The following CFAP46 variants were observed in gnomAD, a reference collection of about 807,000 sequenced individuals.
CFAP46 encodes the protein cilia and flagella associated protein 46.
Under a neutral mutation model 325.7 loss-of-function variants are expected in CFAP46, and 245 were observed. The ratio of observed to expected loss-of-function variants is 0.75; its 90% CI spans 0.68 to 0.84. The LOEUF (loss-of-function observed/expected upper bound fraction) is 0.84. CFAP46 is among the 40% of genes least tolerant of loss of function. CFAP46 has a pLI of 0.00. For synonymous variants in CFAP46, 1,523 were observed against 1,495.9 expected (o/e 1.02, Z -0.42); for missense variants, 3,346 against 3,543.0 (o/e 0.94, Z 1.41).
chr10:132,890,891 CTCAAGGTAGGT>C (rs1849244924), intron 25 of CFAP46, among the ~76,000 whole-genome samples: 1 of 152,196 alleles, frequency 6.6e-6, no homozygotes, highest in Non-Finnish European at 1.5e-5. Context: ...GACTCTAATG[CTCAAGGTAGGT>C]TCCACTTTTC....
intron 9 of CFAP46, among the ~76,000 whole-genome samples, chr10:132,928,162 C>T (rs929907403): frequency 3.9e-5 from 6 of 152,196 alleles, no homozygotes; most frequent in African/African-American, 1.4e-4. Context: ...CTCAGTTCCA[C>T]AGCAGCCCTT....
chr10:132,840,477 A>C (rs1448121611), intron 44 of CFAP46, among the ~76,000 whole-genome samples: 1 of 152,002 alleles, frequency 6.6e-6, no homozygotes, highest in Non-Finnish European at 1.5e-5. Flanking sequence ...CATTTTTCTT[A>C]GCTGTAATTT....
chr10:132,864,670 G>A (rs35322105), intron 35 of CFAP46, among the ~76,000 whole-genome samples: 11,467 of 50,658 alleles, frequency 0.23, 4 homozygotes, highest in African/African-American at 0.35. Flanking sequence ...CCTGTCCCCA[G>A]TGCCCGAGAC....
chr10:132,824,443 CTGA>C (rs1419336128), intron 50 of CFAP46, among the ~76,000 whole-genome samples: 2 of 102,978 alleles, frequency 1.9e-5, no homozygotes, highest in African/African-American at 3.9e-5. Flanking sequence ...GTGCTGTGTG[CTGA>C]TGTGTGCTGT....
In CFAP46 at chr10:132,942,038, T is replaced by A; in HGVS notation, c.116A>T (p.Asp39Val). The A allele has an allele frequency of 6.4e-7, 1 of 1,551,632 alleles. No individual in the cohort carries two copies. The highest frequency in any genetic ancestry group is 8.7e-7 in the Non-Finnish European group (1 of 1,146,924). ...KSANLGKSEF[D>V]PSESFSPDLF... ...GTCTGGGCTGAAGCTCTCTGAGGGG[T>A]CAAACTCCGATTTCCCTAGGTTGGC... The change falls in exon 2 of 58, where the codon GAC (aspartate) becomes GTC (valine). Residue 39 changes from aspartate to valine, a missense_variant. Asp to Val is a radical substitution (Grantham distance 152). Coordinates refer to ENST00000368586, the MANE Select transcript of CFAP46 (RefSeq NM_001200049.3).
At chr10:132,814,966 C>CCCCGGCCACA (rs763415018) in intron 50 of CFAP46, 52 bp from the exon 51 acceptor site, 1 of 1,520,352 alleles carries the variant, frequency 6.6e-7, no homozygotes, top group Non-Finnish European at 9.1e-7. Context: ...TCGAGGCAGC[C>CCCCGGCCACA]CTCCGGCCAC....
intron 11 of CFAP46, 89 bp from the exon 12 acceptor site, chr10:132,922,797 GC>G: frequency 1.9e-6 from 2 of 1,056,720 alleles, no homozygotes; most frequent in Non-Finnish European, 2.8e-6. Flanking sequence ...GCCTGCAGTG[GC>G]CCCAGAGTGT....
chr10:132,816,651 C>T (rs543959460), intron 50 of CFAP46, among the ~76,000 whole-genome samples: 2 of 152,208 alleles, frequency 1.3e-5, no homozygotes, highest in Non-Finnish European at 2.9e-5. Context: ...CTTCTTAAAT[C>T]AGATGCTGAG....
At chr10:132,908,390 C>G in intron 22 of CFAP46, 78 bp downstream of exon 22, 1 of 1,509,444 alleles carries the variant, frequency 6.6e-7, no homozygotes. Context: ...TCACCTGCTC[C>G]CTGATCTGTG....
intron 23 of CFAP46, 39 bp downstream of exon 23, chr10:132,899,496 G>A (rs1319660583): frequency 1.8e-5 from 28 of 1,518,326 alleles, no homozygotes; most frequent in Non-Finnish European, 2.5e-5. Flanking sequence ...CACGGCCGGG[G>A]AGGGACAGAG....
intron 31 of CFAP46, among the ~76,000 whole-genome samples, chr10:132,873,917 C>A (rs2135324165): frequency 6.6e-6 from 1 of 152,272 alleles, no homozygotes; most frequent in African/African-American, 2.4e-5. Context: ...CAGAAAAACA[C>A]AACCTATGAA....
intron 39 of CFAP46, among the ~76,000 whole-genome samples, chr10:132,854,173 T>A (rs1232699573): frequency 6.6e-6 from 1 of 152,234 alleles, no homozygotes; most frequent in Non-Finnish European, 1.5e-5. Flanking sequence ...GGTATTGAAT[T>A]GGCAACATCT....
chr10:132,822,720 G>GT (rs2134874446), intron 50 of CFAP46, among the ~76,000 whole-genome samples: 1 of 135,550 alleles, frequency 7.4e-6, no homozygotes, highest in African/African-American at 2.7e-5. Flanking sequence ...GATGTGTGCT[G>GT]ATGTGTGCTG....
rs140348551 is a variant in CFAP46, at chr10:132,816,481, G to A, written c.7118-1567C>T. On this transcript the variant is annotated intron_variant, in intron 50 of 57. Transcript: ENST00000368586. ...CGAGTAGCTGGGATTACAAGTACCCGCCACCACGCCCGGCTAATTTTGTGT... is the reference window on the plus strand; with the variant it reads ...CGAGTAGCTGGGATTACAAGTACCCACCACCACGCCCGGCTAATTTTGTGT... 2.8e-3 allele frequency among the ~76,000 whole-genome samples: 419 copies of A among 151,892 alleles called. 2 individuals carry two copies. The highest frequency in any genetic ancestry group is 8.9e-3 in the African/African-American group (368 of 41,452).
Position 132,836,821 on chromosome 10 carries a change from C to T in CFAP46, c.6532G>A (p.Asp2178Asn), listed in dbSNP as rs7896313. Residue 2178 changes from aspartate to asparagine, a missense_variant, in exon 45 of 58, where the codon GAC becomes AAC. Coordinates refer to ENST00000368586, the MANE Select transcript of CFAP46 (RefSeq NM_001200049.3). ...AACAAGAAGGAGCGGCTTTACCTGT[C>T]CCCTGAGAGGTGCAGAAAGAGGATC... ...FWILFLHLSGDRSRLYGAAYE... is the reference protein window; with the variant it reads ...FWILFLHLSGNRSRLYGAAYE... 1.0e-3 allele frequency: 1,640 copies of T among 1,613,252 alleles called. 18 individuals are homozygous for T. In the African/African-American group the frequency reaches 0.019, roughly 19 times the overall value.
chr10:132,908,283 C>A (rs535574253), intron 22 of CFAP46, 185 bp downstream of exon 22: 2 of 670,856 alleles, frequency 3.0e-6, no homozygotes, highest in African/African-American at 3.7e-5. Context: ...GCTCCCTGCC[C>A]GTTTTGGGGA....
chr10:132,885,762 G>GTGTGGGGAGCACTCACAGGCGGT lies in CFAP46; in HGVS notation c.3443+58_3443+59insACCGCCTGTGAGTGCTCCCCACA. 2.0e-6 allele frequency: 3 copies of GTGTGGGGAGCACTCACAGGCGGT among 1,490,850 alleles called. No homozygotes were observed. In the Admixed American group the frequency reaches 6.1e-5, roughly 30 times the overall value. 92.4% of individuals were successfully genotyped at this position (1,490,850 alleles called of 1,614,324 possible). A position where few individuals can be genotyped will look rare whatever the true frequency, so the allele number is the denominator to read the frequency against. ...GCGGTGTGGGGAGCACTCACAGGCG[G>GTGTGGGGAGCACTCACAGGCGGT]TGGGGGGAGCACTCAGGCGGTGGAG... On this transcript the variant is annotated intron_variant, in intron 26 of 57. Transcript: ENST00000368586.
intron 22 of CFAP46, among the ~76,000 whole-genome samples, chr10:132,902,859 T>G (rs1849409327): frequency 6.6e-6 from 1 of 152,154 alleles, no homozygotes; most frequent in Non-Finnish European, 1.5e-5. Context: ...TTGGGGTGAG[T>G]CTGCACTCAC....
intron 11 of CFAP46, among the ~76,000 whole-genome samples, chr10:132,923,147 C>T (rs1657724079): frequency 6.6e-6 from 1 of 152,154 alleles, no homozygotes; most frequent in Non-Finnish European, 1.5e-5. Context: ...CCCTGGACCC[C>T]CTGGCCTTGA....
Sources: gnomAD v4.1 joint callset for allele counts (sites outside exome capture counted in the v4.1 genomes callset) on GRCh38, gnomAD v4.1.1 for gene constraint, MANE v1.5 for transcripts, NCBI Gene and HGNC (gene_info 2026-07-23, HGNC 2026-07-21) for gene names.